NCAM1: variants seen among roughly 807,000 people sequenced by gnomAD.
NCAM1 encodes the protein neural cell adhesion molecule 1, also known as antigen recognized by monoclonal antibody 5.1H11.
Under a neutral mutation model 109.8 loss-of-function variants are expected in NCAM1, and 14 were observed. The observed-to-expected ratio is 0.13, with a 90% CI of 0.08 to 0.20. The LOEUF is 0.20. NCAM1 is among the 10% of genes least tolerant of loss of function. NCAM1 has a pLI of 1.00. For missense variants in NCAM1, 774 were observed against 1,109.9 expected (o/e 0.70, Z 4.30); for synonymous variants, 418 against 442.9 (o/e 0.94, Z 0.70).
chr11:113,220,923 C>A (rs782046620), intron 8 of NCAM1, among the ~76,000 whole-genome samples: 2 of 152,104 alleles, frequency 1.3e-5, no homozygotes, highest in Admixed American at 6.5e-5. Flanking sequence ...GAGACCTACT[C>A]TCTTAAGTGT....
chr11:113,142,306 C>T (rs1941859349), intron 1 of NCAM1, among the ~76,000 whole-genome samples: 1 of 152,166 alleles, frequency 6.6e-6, no homozygotes, highest in African/African-American at 2.4e-5. Context: ...ACATTAGAGT[C>T]TGTCATTAGG....
At chr11:113,221,601 A>G (rs1355883872) in intron 9 of NCAM1, 2 of 351,210 alleles carry the variant, frequency 5.7e-6, no homozygotes, top group African/African-American at 4.2e-5. Flanking sequence ...ACACCAATAG[A>G]AATAAATTGC....
chr11:113,222,742 C>A (rs1266934290), intron 9 of NCAM1, among the ~76,000 whole-genome samples: 1 of 152,124 alleles, frequency 6.6e-6, no homozygotes, highest in African/African-American at 2.4e-5. Flanking sequence ...TATCAGGGAG[C>A]ATTAAGGAGA....
intron 1 of NCAM1, among the ~76,000 whole-genome samples, chr11:113,152,444 T>C (rs1942257108): frequency 1.3e-5 from 2 of 152,278 alleles, no homozygotes; most frequent in Non-Finnish European, 2.9e-5. Flanking sequence ...CAGTGTAATA[T>C]GCTCTAAAAA....
At chr11:113,121,362 A>G (rs1940949438) in intron 1 of NCAM1, among the ~76,000 whole-genome samples, 4 of 151,164 alleles carry the variant, frequency 2.6e-5, no homozygotes, top group Admixed American at 2.6e-4. Context: ...CTGGGACTGC[A>G]GGTGCATGCC....
In NCAM1 at chr11:113,044,642, G is replaced by A. The variant is rs556265326; in HGVS notation, c.52+82978G>A. Reference sequence around the variant, plus strand: ...GGAGGTTGCAATGAGCCACGATCGCGTCACTGCACTCCAGCCTGGGCGACA... The same window carrying A: ...GGAGGTTGCAATGAGCCACGATCGCATCACTGCACTCCAGCCTGGGCGACA... On this transcript the variant is annotated intron_variant, in intron 1 of 19. Transcript: ENST00000316851. 5.9e-5 allele frequency among the ~76,000 whole-genome samples: 9 copies of A among 152,034 alleles called. No homozygotes were observed. In the South Asian group the frequency reaches 1.7e-3, roughly 28 times the overall value.
intron 15 of NCAM1, among the ~76,000 whole-genome samples, chr11:113,247,310 G>A (rs1323273116): frequency 6.6e-6 from 1 of 152,138 alleles, no homozygotes; most frequent in Non-Finnish European, 1.5e-5. Context: ...CACAGCCTGA[G>A]ACATTGGCTA....
chr11:113,264,689 G>C, intron 17 of NCAM1: 1 of 985,490 alleles, frequency 1.0e-6, no homozygotes, highest in Non-Finnish European at 1.2e-6. Context: ...CCATCTTTCT[G>C]AAGGGACCCT....
At chr11:112,983,993 T>A (rs1565364201) in intron 1 of NCAM1, among the ~76,000 whole-genome samples, 2 of 151,920 alleles carry the variant, frequency 1.3e-5, no homozygotes, top group Admixed American at 6.6e-5. Flanking sequence ...GCTTTAGGTC[T>A]CTAGACTTAT....
intron 1 of NCAM1, among the ~76,000 whole-genome samples, chr11:113,069,239 A>G (rs571168883): frequency 6.6e-6 from 1 of 152,326 alleles, no homozygotes; most frequent in Non-Finnish European, 1.5e-5. Context: ...CTCAGGCAGA[A>G]AAGTCTCCAA....
chr11:113,001,101 C>T (rs965077845), intron 1 of NCAM1, among the ~76,000 whole-genome samples: 4 of 152,072 alleles, frequency 2.6e-5, no homozygotes, highest in Non-Finnish European at 2.9e-5. Flanking sequence ...GTTTTCAGAA[C>T]AGCCATTTTC....
chr11:113,106,209 AT>A (rs1400692749), intron 1 of NCAM1, among the ~76,000 whole-genome samples: 1 of 152,218 alleles, frequency 6.6e-6, no homozygotes, highest in Admixed American at 6.5e-5. Flanking sequence ...CATTTATGTG[AT>A]GAGTACGTTG....
chr11:113,177,174 G>T (rs4936266), intron 1 of NCAM1, among the ~76,000 whole-genome samples: 1 of 152,042 alleles, frequency 6.6e-6, no homozygotes, highest in African/African-American at 2.4e-5. Flanking sequence ...ACATACCCCT[G>T]GTTAGAATGT....
At position 113,276,829 on chromosome 11, in the gene NCAM1, G is replaced by A. The variant is rs188258623; in HGVS notation, c.*1442G>A. ...GAAAAAATACAGAAACTTTAAGGGGGATGGGAGGGGGGGGAGAAGGGAAAA... is the reference window on the plus strand; with the variant it reads ...GAAAAAATACAGAAACTTTAAGGGGAATGGGAGGGGGGGGAGAAGGGAAAA... On this transcript the variant is annotated 3_prime_UTR_variant, in exon 20 of 20. Transcript: ENST00000316851. 6.9e-6 allele frequency: 1 copy of A among 144,672 alleles called. No individual in the cohort carries two copies. Among genetic ancestry groups the A allele is most frequent in the Admixed American group, 6.9e-5 (1 of 14,470 alleles). The allele number at this position is 144,672 out of a possible 1,614,324, so 9.0% of individuals were successfully genotyped here. A position where few individuals can be genotyped will look rare whatever the true frequency, so the allele number is the denominator to read the frequency against.
intron 1 of NCAM1, among the ~76,000 whole-genome samples, chr11:113,038,054 C>T (rs964301472): frequency 2.6e-5 from 4 of 152,224 alleles, no homozygotes; most frequent in Non-Finnish European, 5.9e-5. Context: ...CACCCAGTCC[C>T]GGGCTCCTGC....
intron 1 of NCAM1, among the ~76,000 whole-genome samples, chr11:113,005,129 T>G (rs1951861972): frequency 6.6e-6 from 1 of 152,220 alleles, no homozygotes; most frequent in African/African-American, 2.4e-5. Flanking sequence ...TTTCACTTTT[T>G]TCTTCTCCCT....
At chr11:113,180,908 C>G (rs1361419264) in intron 1 of NCAM1, among the ~76,000 whole-genome samples, 1 of 152,162 alleles carries the variant, frequency 6.6e-6, no homozygotes, top group Non-Finnish European at 1.5e-5. Context: ...ATGCTGCGTC[C>G]CAGAGATGAT....
At position 113,221,367 on chromosome 11, in the gene NCAM1, G is replaced by A. The variant is rs372509118; in HGVS notation, c.1089+42G>A. On this transcript the variant is annotated intron_variant, in intron 9 of 19. Transcript: ENST00000316851. ...CACTAGCCAGTCTTTAGTTTTGAAAGCATTACAGTTTAACTCACCATTGCA... is the reference window on the plus strand; with the variant it reads ...CACTAGCCAGTCTTTAGTTTTGAAAACATTACAGTTTAACTCACCATTGCA... The A allele has an allele frequency of 1.1e-4, 167 of 1,554,558 alleles. No homozygotes were observed. The African/African-American group carries it at 1.8e-3, about 16-fold the overall frequency.
rs1555126039 is a variant in NCAM1 at position 113,273,882 on chromosome 11, G to T, written c.2457-1385G>T. The T allele has an allele frequency of 9.3e-6, 2 of 214,234 alleles. No homozygotes were observed. The highest frequency in any genetic ancestry group is 4.7e-5 in the African/African-American group (2 of 42,892). 13.3% of individuals were successfully genotyped at this position (214,234 alleles called of 1,614,324 possible). On this transcript the variant is annotated intron_variant, in intron 19 of 19. Coordinates refer to ENST00000316851, the MANE Select transcript of NCAM1 (RefSeq NM_181351.5). The surrounding 1 kb of genome is among the most constrained non-coding windows in gnomAD (Gnocchi z 6.0). ...TCTCTGAGGCGACCGTCAACCAAGG[G>T]GCTGGGATAAGGCAGAGAGAGCAGG...
Sources: gnomAD v4.1 joint callset for allele counts (sites outside exome capture counted in the v4.1 genomes callset) on GRCh38, gnomAD v4.1.1 for gene constraint, Gnocchi (gnomAD v3.1) non-coding constraint, MANE v1.5 for transcripts, NCBI Gene and HGNC (gene_info 2026-07-23, HGNC 2026-07-21) for gene names.